Variants in LTBP1 observed in about 807,000 individuals in gnomAD.
The protein encoded by LTBP1 is latent-transforming growth factor beta-binding protein 1.
In LTBP1, 129 loss-of-function variants were observed where a neutral mutation model predicts 207.6. The ratio of observed to expected loss-of-function variants is 0.62; its 90% CI spans 0.54 to 0.72. The LOEUF is 0.72. Among genes scored for constraint, LTBP1 ranks in the 30% least tolerant of loss-of-function variants. LTBP1 has a pLI of 0.00. For missense variants in LTBP1, 2,281 were observed against 2,217.2 expected (o/e 1.03, Z -0.58); for synonymous variants, 963 against 833.7 (o/e 1.16, Z -2.67).
chr2:32,948,003 A>T (rs1249162254), intron 1 of LTBP1, among the ~76,000 whole-genome samples, 185 bp downstream of exon 1: 1 of 152,192 alleles, frequency 6.6e-6, no homozygotes, highest in Non-Finnish European at 1.5e-5. Context: ...GGGGAAGCCC[A>T]GGAACTTTTA....
At chr2:33,227,722 C>G (rs6727534) in intron 9 of LTBP1, among the ~76,000 whole-genome samples, 2,246 of 151,854 alleles carry the variant, frequency 0.015, 66 homozygotes, top group African/African-American at 0.051. Context: ...TTTGTGAACC[C>G]AGAGGCCCAA....
intron 10 of LTBP1, among the ~76,000 whole-genome samples, chr2:33,251,664 C>CA (rs537403994): frequency 0.019 from 1,222 of 65,220 alleles, 23 homozygotes; most frequent in Non-Finnish European, 0.025. Context: ...GACTCAGTCT[C>CA]AAAAAAAAAA....
chr2:33,326,785 A>G (rs932479200), intron 24 of LTBP1, among the ~76,000 whole-genome samples: 3 of 151,910 alleles, frequency 2.0e-5, no homozygotes, highest in Non-Finnish European at 4.4e-5. Context: ...CAGCCTCCCC[A>G]GTAGCTGGGA....
intron 5 of LTBP1, among the ~76,000 whole-genome samples, chr2:33,143,103 G>C (rs571904363): frequency 5.3e-5 from 8 of 152,276 alleles, no homozygotes; most frequent in African/African-American, 1.9e-4. Context: ...GTGCTCCGGG[G>C]TGTCTTGTGC....
At chr2:33,377,539 G>A (rs2095155899) in intron 31 of LTBP1, among the ~76,000 whole-genome samples, 1 of 152,174 alleles carries the variant, frequency 6.6e-6, no homozygotes, top group Admixed American at 6.5e-5. Flanking sequence ...GCCACTCTCT[G>A]TTATAAAAAA....
chr2:33,149,087 C>T (rs957572831), intron 5 of LTBP1, among the ~76,000 whole-genome samples: 4 of 151,948 alleles, frequency 2.6e-5, no homozygotes, highest in South Asian at 4.1e-4. Flanking sequence ...TGGTGGCAGG[C>T]GCCTGCAGTC....
intron 3 of LTBP1, among the ~76,000 whole-genome samples, chr2:33,029,350 G>A (rs1460083530): frequency 3.3e-5 from 5 of 152,116 alleles, no homozygotes; most frequent in Admixed American, 3.3e-4. Context: ...GGTGATGCGT[G>A]CCTGTAATCC....
intron 4 of LTBP1, among the ~76,000 whole-genome samples, chr2:33,112,418 C>T (rs982747823): frequency 3.9e-5 from 6 of 152,240 alleles, no homozygotes; most frequent in Non-Finnish European, 7.4e-5. Context: ...ATATCTTTCC[C>T]GCTCATCCTG....
At chr2:33,102,968 T>C (rs982333840) in intron 3 of LTBP1, among the ~76,000 whole-genome samples, 1 of 152,342 alleles carries the variant, frequency 6.6e-6, no homozygotes, top group East Asian at 1.9e-4. Context: ...GTATGCTGTA[T>C]GCACTGTCTG....
intron 24 of LTBP1, among the ~76,000 whole-genome samples, chr2:33,315,835 G>A (rs2094262597): frequency 1.3e-5 from 2 of 152,180 alleles, no homozygotes; most frequent in African/African-American, 4.8e-5. Context: ...TACTTGGGAG[G>A]CTGAGGCAGG....
intron 10 of LTBP1, among the ~76,000 whole-genome samples, chr2:33,247,520 CT>C (rs1331718520): frequency 1.3e-5 from 2 of 152,196 alleles, no homozygotes; most frequent in African/African-American, 4.8e-5. Flanking sequence ...CATTCATTTA[CT>C]TATTGCCTAA....
chr2:33,024,922 C>T (rs1054215720), intron 3 of LTBP1, among the ~76,000 whole-genome samples: 3 of 152,204 alleles, frequency 2.0e-5, no homozygotes, highest in African/African-American at 2.4e-5. Flanking sequence ...TCTGAAGGCT[C>T]GACTGGGGCT....
At chr2:33,312,780 T>A (rs1036374834) in intron 23 of LTBP1, among the ~76,000 whole-genome samples, 2 of 152,254 alleles carry the variant, frequency 1.3e-5, no homozygotes, top group Non-Finnish European at 2.9e-5. Context: ...GAAAAAACTT[T>A]GTGCACATTA....
intron 2 of LTBP1, among the ~76,000 whole-genome samples, chr2:33,016,591 A>C (rs1041444986): frequency 6.6e-6 from 1 of 152,150 alleles, no homozygotes; most frequent in African/African-American, 2.4e-5. Context: ...GCCAAGCCTG[A>C]GAACCACCGC....
chr2:33,278,674 G>T (rs1296428570), intron 18 of LTBP1, among the ~76,000 whole-genome samples: 2 of 152,174 alleles, frequency 1.3e-5, no homozygotes, highest in African/African-American at 4.8e-5. Context: ...TATTGGGCTA[G>T]CCTGTCTCGA....
At chr2:33,057,885 G>T (rs11897588) in intron 3 of LTBP1, among the ~76,000 whole-genome samples, 1 of 152,176 alleles carries the variant, frequency 6.6e-6, no homozygotes, top group Admixed American at 6.5e-5. Context: ...ATGGTGCAGC[G>T]GCGGGCTGAA....
chr2:33,151,457 GTATTT>G (rs1193739845), intron 5 of LTBP1, among the ~76,000 whole-genome samples: 2 of 150,024 alleles, frequency 1.3e-5, no homozygotes, highest in Non-Finnish European at 3.0e-5. Context: ...CTTTTTTTTT[GTATTT>G]TATTTTATTT....
intron 28 of LTBP1, among the ~76,000 whole-genome samples, chr2:33,363,076 T>C (rs2094944867): frequency 6.6e-6 from 1 of 152,228 alleles, no homozygotes; most frequent in African/African-American, 2.4e-5. Context: ...ATCCTTTTGT[T>C]GATGCCACTA....
intron 5 of LTBP1, among the ~76,000 whole-genome samples, chr2:33,181,343 A>G (rs2086614423): frequency 1.3e-5 from 2 of 152,248 alleles, no homozygotes; most frequent in African/African-American, 2.4e-5. Context: ...CGTGGCACAG[A>G]ATGTGAATAT....
Sources: allele counts gnomAD v4.1 joint callset (sites outside exome capture counted in the v4.1 genomes callset), GRCh38; gene constraint gnomAD v4.1.1; transcripts MANE v1.5; gene names NCBI Gene and HGNC (gene_info 2026-07-23, HGNC 2026-07-21).